SYNE1: variants seen among roughly 807,000 people sequenced by gnomAD.
SYNE1 encodes the protein spectrin repeat containing nuclear envelope protein 1, also known as nesprin-1.
SYNE1 carries 616 observed loss-of-function variants against 1,111.0 expected under a neutral mutation model. That is an observed-to-expected ratio of 0.55 (90% CI 0.52 to 0.59). The LOEUF (loss-of-function observed/expected upper bound fraction) is 0.59, where lower values mean the gene tolerates loss of function less well. SYNE1 is among the 20% of genes least tolerant of loss of function. SYNE1 has a pLI of 0.00. For synonymous variants in SYNE1, 3,855 were observed against 3,825.8 expected (o/e 1.01, Z -0.28); for missense variants, 10,006 against 10,417.0 (o/e 0.96, Z 1.72).
chr6:152,489,822 A>C (rs1284769921), intron 11 of SYNE1, among the ~76,000 whole-genome samples: 1 of 152,168 alleles, frequency 6.6e-6, no homozygotes, highest in Non-Finnish European at 1.5e-5. Context: ...AAATCATCTG[A>C]GGGGCTTATA....
At chr6:152,370,828 C>G (rs1215843014) in intron 59 of SYNE1, among the ~76,000 whole-genome samples, 1 of 152,210 alleles carries the variant, frequency 6.6e-6, no homozygotes, top group African/African-American at 2.4e-5. Context: ...CCACCTGTAT[C>G]TGGTCTGGGT....
intron 124 of SYNE1, among the ~76,000 whole-genome samples, chr6:152,210,550 C>T (rs1371732313): frequency 6.6e-6 from 1 of 151,984 alleles, no homozygotes; most frequent in African/African-American, 2.4e-5. Context: ...AAAGAAATAG[C>T]CACTTAAAAC....
chr6:152,606,978 C>CTTTTTTT (rs71017544), intron 3 of SYNE1, among the ~76,000 whole-genome samples: 2 of 62,266 alleles, frequency 3.2e-5, no homozygotes, highest in Non-Finnish European at 2.8e-5. Flanking sequence ...CCTCGGTTCT[C>CTTTTTTT]TTTTTTTTTT....
chr6:152,431,577 GA>G, intron 34 of SYNE1, among the ~76,000 whole-genome samples: 1 of 152,224 alleles, frequency 6.6e-6, no homozygotes, highest in South Asian at 2.1e-4. Context: ...ATAAGAAGAT[GA>G]AAATTATTTC....
chr6:152,452,895 T>A (rs2154253283), intron 25 of SYNE1, among the ~76,000 whole-genome samples: 1 of 152,342 alleles, frequency 6.6e-6, no homozygotes, highest in Non-Finnish European at 1.5e-5. Context: ...TCTGTGCTGT[T>A]GTGTCACCCC....
At chr6:152,234,033 T>C (rs2083401313) in intron 111 of SYNE1, 70 bp from the exon 112 acceptor site, 2 of 1,503,970 alleles carry the variant, frequency 1.3e-6, no homozygotes, top group South Asian at 1.2e-5. Context: ...AAGCGACCAA[T>C]TTAGTGCATG....
intron 3 of SYNE1, among the ~76,000 whole-genome samples, chr6:152,605,006 A>AAGAAAGAAAG (rs1565139805): frequency 2.3e-4 from 6 of 25,590 alleles, no homozygotes; most frequent in Admixed American, 4.5e-4. Context: ...GAAAGAAAGA[A>AAGAAAGAAAG]AGAGAGAGAG....
chr6:152,437,408 T>C (rs769151577), intron 32 of SYNE1, among the ~76,000 whole-genome samples: 9 of 152,224 alleles, frequency 5.9e-5, no homozygotes, highest in Admixed American at 3.9e-4. Context: ...AGAAGGTTAC[T>C]GTTAGCATTC....
chr6:152,425,513 A>G lies in SYNE1; in HGVS notation c.5135T>C (p.Phe1712Ser). Residue 1712 changes from phenylalanine (F) to serine (S), a missense_variant, in exon 39 of 146, where the codon TTC becomes TCC. By Grantham distance (155) the Phe-to-Ser change is radical. Coordinates refer to ENST00000367255, the MANE Select transcript of SYNE1 (RefSeq NM_182961.4). The part of the protein sequence containing the change: ...LQNEVVSQAS[F>S]YSKLLQLKES... ...CTTCAATTGCAAAAGTTTGCTATAGAATGAGGCCTGGGATACAACTTCATT... is the reference window on the plus strand; with the variant it reads ...CTTCAATTGCAAAAGTTTGCTATAGGATGAGGCCTGGGATACAACTTCATT... 4.3e-6 allele frequency: 7 copies of G among 1,614,196 alleles called. No homozygotes were observed. Among genetic ancestry groups the G allele is most frequent in the Non-Finnish European group, 5.9e-6 (7 of 1,180,032 alleles).
intron 128 of SYNE1, 56 bp downstream of exon 128, chr6:152,189,196 A>AT: frequency 1.3e-6 from 2 of 1,597,092 alleles, no homozygotes; most frequent in Non-Finnish European, 1.7e-6. Flanking sequence ...TGACGTTCAA[A>AT]TTCATCTCCC....
intron 130 of SYNE1, among the ~76,000 whole-genome samples, chr6:152,165,942 T>C (rs1306588730): frequency 1.3e-5 from 2 of 152,024 alleles, no homozygotes; most frequent in Non-Finnish European, 2.9e-5. Context: ...GAAAGAAGAG[T>C]TTACCATCAA....
At chr6:152,254,307 A>G (rs370434052) in intron 104 of SYNE1, among the ~76,000 whole-genome samples, 3 of 122,330 alleles carry the variant, frequency 2.5e-5, no homozygotes, top group South Asian at 5.3e-4. Flanking sequence ...GCTGGAGTGC[A>G]GTGGTGCAAT....
chr6:152,259,680 T>C (rs2091637941), intron 101 of SYNE1, among the ~76,000 whole-genome samples: 1 of 152,152 alleles, frequency 6.6e-6, no homozygotes, highest in Non-Finnish European at 1.5e-5. Flanking sequence ...GTTAGCGATG[T>C]TAACACCTAG....
chr6:152,604,632 T>A (rs1251143276), intron 3 of SYNE1, among the ~76,000 whole-genome samples: 1 of 151,962 alleles, frequency 6.6e-6, no homozygotes, highest in South Asian at 2.1e-4. Context: ...AAAAAAGTTA[T>A]AGAAATCTAT....
At chr6:152,601,473 T>C (rs1230434155) in intron 3 of SYNE1, among the ~76,000 whole-genome samples, 2 of 152,012 alleles carry the variant, frequency 1.3e-5, no homozygotes, top group African/African-American at 2.4e-5. Context: ...AAAAGGCAAA[T>C]ACAAGACAGC....
In SYNE1 at chr6:152,593,388, T is replaced by C. The variant is rs77063812; in HGVS notation, c.67+34877A>G. ...TCACGAGGTCAGTAGATTGAGACCA[T>C]CCTGGCTAACATGGTGAAACCCCAT... On this transcript the variant is annotated intron_variant, in intron 3 of 145. Transcript: ENST00000367255. Among the ~76,000 whole-genome samples, 707 of 152,168 alleles carry C rather than the reference T, an allele frequency of 4.6e-3. 22 individuals carry two copies. The East Asian group carries it at 0.074, about 16-fold the overall frequency.
intron 100 of SYNE1, among the ~76,000 whole-genome samples, chr6:152,263,489 C>G (rs1044894752): frequency 6.6e-6 from 1 of 152,006 alleles, no homozygotes; most frequent in Non-Finnish European, 1.5e-5. Flanking sequence ...CTGCTGGGCT[C>G]ATGCAATCCT....
chr6:152,252,851 C>T (rs1220233769), intron 104 of SYNE1, among the ~76,000 whole-genome samples: 4 of 152,184 alleles, frequency 2.6e-5, no homozygotes, highest in African/African-American at 9.7e-5. Flanking sequence ...CCATGATTCT[C>T]TTAGATCCTT....
At position 152,362,202 on chromosome 6, in the gene SYNE1, G is replaced by A. The variant is rs528076875; in HGVS notation, c.10267C>T (p.Arg3423Trp). ...NESERQHAEL[R>W]DKTTMLGKAK... ...TTTCCGAGCATCGTTGTTTTATCCC[G>A]CAGCTCCGCATGCTGCCTTTCTGAT... Residue 3423 changes from arginine (R) to tryptophan (W), a missense_variant, in exon 64 of 146, where the codon CGG becomes TGG. Around this residue, in one of 7 missense-constraint regions of SYNE1, gnomAD observed 4,955 missense variants for 5,017.2 expected, o/e 0.99. Transcript: ENST00000367255. 5.0e-6 allele frequency: 8 copies of A among 1,614,184 alleles called. No individual in the cohort carries two copies. The highest frequency in any genetic ancestry group is 1.7e-5 in the Admixed American group (1 of 60,020).
Sources: allele counts gnomAD v4.1 joint callset (sites outside exome capture counted in the v4.1 genomes callset), GRCh38; gene constraint gnomAD v4.1.1; regional missense constraint gnomAD v4.1.1; transcripts MANE v1.5; gene names NCBI Gene and HGNC (gene_info 2026-07-23, HGNC 2026-07-21).